GINS1: variants seen among roughly 807,000 people sequenced by gnomAD.
GINS1 encodes GINS complex subunit 1.
GINS1 carries 26 observed loss-of-function variants against 34.9 expected under a neutral mutation model. The ratio of observed to expected loss-of-function variants is 0.74; its 90% CI spans 0.55 to 1.03. The LOEUF (loss-of-function observed/expected upper bound fraction) is 1.03. Ranked by LOEUF, GINS1 falls within the 50% of genes least tolerant of loss-of-function variation. The pLI, the probability that GINS1 is intolerant of heterozygous loss-of-function variation, is 0.00. For synonymous variants in GINS1, 97 were observed against 84.4 expected, an observed-to-expected ratio of 1.15 and a Z score of -0.82; for missense variants, 235 against 237.9, an observed-to-expected ratio of 0.99 and a Z score of 0.08.
intron 1 of GINS1, 146 bp from the exon 2 acceptor site, chr20:25,413,644 T>A (rs1210315718): frequency 1.8e-5 from 11 of 615,144 alleles, no homozygotes; most frequent in Non-Finnish European, 3.3e-5. Flanking sequence ...CACCAACACT[T>A]GTTATAACCA....
chr20:25,421,890 T>C (rs1236217377), intron 4 of GINS1, among the ~76,000 whole-genome samples: 2 of 152,060 alleles, frequency 1.3e-5, no homozygotes, highest in African/African-American at 2.4e-5. Flanking sequence ...AAGACCACAG[T>C]GGAAACACCC....
rs145931317 is a variant in GINS1, at chr20:25,441,770, T to C, written c.516T>C (p.Asn172=). 6.2e-5 allele frequency: 91 copies of C among 1,479,074 alleles called. No individual in the cohort carries two copies. In the African/African-American group the frequency reaches 1.2e-3, roughly 19 times the overall value. The allele number at this position is 1,479,074 out of a possible 1,614,324, so 91.6% of individuals were successfully genotyped here. ...GCACTTCAGTCCTATTAAAAAAAAA[T>C]AGCCAGGTATTTCTTATCTTCAGAT... The part of the protein sequence containing the change: ...DDGTSVLLKK[N]SQHFLPRWKC... Residue 172 remains asparagine, a synonymous_variant, in exon 6 of 7, where the codon AAT becomes AAC. Coordinates refer to ENST00000262460, the MANE Select transcript of GINS1 (RefSeq NM_021067.5).
chr20:25,413,724 G>A (rs916722419), intron 1 of GINS1, 66 bp from the exon 2 acceptor site: 1 of 884,802 alleles, frequency 1.1e-6, no homozygotes, highest in Non-Finnish European at 1.9e-6. Flanking sequence ...GTTCAGTATT[G>A]ATAGCATATT....
At position 25,418,147 on chromosome 20, in the gene GINS1, T is replaced by C. The variant is rs767328541; in HGVS notation, c.282T>C (p.Tyr94=). The C allele has an allele frequency of 2.5e-6, 4 of 1,605,824 alleles. No individual in the cohort carries two copies. The highest frequency in any genetic ancestry group is 3.4e-6 in the Non-Finnish European group (4 of 1,172,298). ...GGATCAGAGCACTCAGATGGGAATA[T>C]GGTAGCGTCTTGCCAAATGCATTAC... ...LLRIRALRWE[Y]GSVLPNALRF... Residue 94 remains tyrosine (Y), a synonymous_variant, in exon 4 of 7, where the codon TAT becomes TAC. Coordinates refer to ENST00000262460, the MANE Select transcript of GINS1 (RefSeq NM_021067.5).
At chr20:25,419,881 C>G (rs376497372) in intron 4 of GINS1, 2 of 157,802 alleles carry the variant, frequency 1.3e-5, no homozygotes, top group Admixed American at 1.3e-4. Context: ...AGGCTGGTCT[C>G]GAACTCCTGA....
At chr20:25,440,810 C>CAAAAA (rs60014594) in intron 5 of GINS1, among the ~76,000 whole-genome samples, 15 of 68,904 alleles carry the variant, frequency 2.2e-4, no homozygotes, top group Non-Finnish European at 3.4e-4. Flanking sequence ...GACTCTGTCT[C>CAAAAA]AAAAAAAAAA....
At chr20:25,438,834 A>T (rs1222545658) in intron 5 of GINS1, among the ~76,000 whole-genome samples, 1 of 152,064 alleles carries the variant, frequency 6.6e-6, no homozygotes, top group East Asian at 1.9e-4. Context: ...TCTCCCTCCC[A>T]AAGTGCTGGG....
chr20:25,432,513 A>G (rs1000749525), intron 5 of GINS1, among the ~76,000 whole-genome samples: 37 of 150,918 alleles, frequency 2.5e-4, no homozygotes, highest in Admixed American at 2.3e-3. Flanking sequence ...GTTGTCCAGG[A>G]TGGAGTGCAG....
intron 5 of GINS1, among the ~76,000 whole-genome samples, chr20:25,440,746 GGTT>G (rs1376881480): frequency 1.3e-5 from 2 of 149,564 alleles, no homozygotes; most frequent in African/African-American, 5.0e-5. Context: ...GGGAGGCAGA[GGTT>G]GTAGTGCGTG....
chr20:25,432,477 CT>C (rs1013764458), intron 5 of GINS1, among the ~76,000 whole-genome samples: 2 of 151,194 alleles, frequency 1.3e-5, no homozygotes, highest in African/African-American at 2.4e-5. Flanking sequence ...TAATTTTCTT[CT>C]TTTTTTTAGA....
chr20:25,422,397 A>T (rs2090360785), intron 4 of GINS1, among the ~76,000 whole-genome samples: 1 of 151,958 alleles, frequency 6.6e-6, no homozygotes. Context: ...AACAGGGTGA[A>T]ACCCTATCTC....
chr20:25,409,893 G>T (rs911026750), intron 1 of GINS1, among the ~76,000 whole-genome samples: 1 of 152,206 alleles, frequency 6.6e-6, no homozygotes, highest in Non-Finnish European at 1.5e-5. Flanking sequence ...TACATATCAG[G>T]ACACAGGCCT....
chr20:25,436,838 C>T (rs2090457067), intron 5 of GINS1, among the ~76,000 whole-genome samples: 2 of 152,064 alleles, frequency 1.3e-5, no homozygotes, highest in African/African-American at 4.8e-5. Flanking sequence ...TTTGAATGGA[C>T]CATACTTTTA....
intron 5 of GINS1, among the ~76,000 whole-genome samples, chr20:25,438,986 TTACTA>T (rs2090468437): frequency 6.6e-6 from 1 of 152,210 alleles, no homozygotes; most frequent in Non-Finnish European, 1.5e-5. Context: ...TCCATTGTCT[TTACTA>T]TACAAACTCT....
intron 5 of GINS1, among the ~76,000 whole-genome samples, chr20:25,432,863 T>C (rs555876722): frequency 5.4e-5 from 8 of 148,550 alleles, no homozygotes; most frequent in African/African-American, 1.7e-4. Context: ...GTTTATTATA[T>C]ATTAACTTAT....
chr20:25,445,331 G>A (rs935750897), intron 6 of GINS1, among the ~76,000 whole-genome samples: 112 of 150,664 alleles, frequency 7.4e-4, no homozygotes, highest in Middle Eastern at 3.5e-3. Context: ...ACAGGCATGC[G>A]CCACCACGCC....
chr20:25,441,755 C>T lies in GINS1; in HGVS notation c.501C>T (p.Val167=). Residue 167 remains valine, a synonymous_variant, in exon 6 of 7, where the codon GTC becomes GTT. Transcript: ENST00000262460. ...TTGAAGTTGATGATGGCACTTCAGT[C>T]CTATTAAAAAAAAATAGCCAGGTAT... The part of the protein sequence containing the change: ...GEFEVDDGTS[V]LLKKNSQHFL... The T allele has an allele frequency of 6.5e-7, 1 of 1,548,274 alleles. No homozygotes were observed. Among genetic ancestry groups the T allele is most frequent in the Non-Finnish European group, 8.9e-7 (1 of 1,129,284 alleles).
chr20:25,409,947 T>A (rs537372510), intron 1 of GINS1, among the ~76,000 whole-genome samples: 25 of 152,232 alleles, frequency 1.6e-4, no homozygotes, highest in Admixed American at 1.3e-3. Context: ...CAAGCTGGAT[T>A]TTGGACCTGA....
At chr20:25,428,024 A>T (rs2090402290) in intron 5 of GINS1, among the ~76,000 whole-genome samples, 1 of 151,760 alleles carries the variant, frequency 6.6e-6, no homozygotes, top group African/African-American at 2.4e-5. Context: ...GGCATGCACC[A>T]CCACACCCAG....
Sources: allele counts gnomAD v4.1 joint callset (sites outside exome capture counted in the v4.1 genomes callset), GRCh38; gene constraint gnomAD v4.1.1; transcripts MANE v1.5; gene names NCBI Gene and HGNC (gene_info 2026-07-23, HGNC 2026-07-21).